The following REEP2 variants were observed in gnomAD, a reference collection of about 807,000 sequenced individuals.
REEP2 encodes receptor accessory protein 2, also known as receptor expression-enhancing protein 2.
In REEP2, 9 loss-of-function variants were observed where a neutral mutation model predicts 32.1. That is an observed-to-expected ratio of 0.28 (90% CI 0.17 to 0.49). The LOEUF (loss-of-function observed/expected upper bound fraction) is 0.49. Ranked by LOEUF, REEP2 falls within the 20% of genes least tolerant of loss-of-function variation. The pLI, the probability that REEP2 is intolerant of heterozygous loss-of-function variation, is 0.99. For synonymous variants in REEP2, 128 were observed against 139.1 expected, an observed-to-expected ratio of 0.92 and a Z score of 0.56; for missense variants, 236 against 338.0, an observed-to-expected ratio of 0.70 and a Z score of 2.37.
intron 3 of REEP2, chr5:138,443,460 C>CA (rs35414889): frequency 0.59 from 54,436 of 92,394 alleles, 15,030 homozygotes; most frequent in East Asian, 0.78. Flanking sequence ...GACTCTGTCT[C>CA]AAAAAAAAAA....
In REEP2 at chr5:138,445,482, C is replaced by T; in HGVS notation, c.580C>T (p.Leu194=). The change falls in exon 7 of 8, where the codon CTG becomes TTG. Residue 194 remains leucine, a synonymous_variant. Transcript: ENST00000378339. ...CCTGCACCCAGGAGATGACCCTGCC[C>T]TGAGTCTAAGGTCCAGCACAAACCC... ...TIEDLGDDPA[L]SLRSSTNPAD... 1 of 1,614,192 alleles carries T rather than the reference C, an allele frequency of 6.2e-7. No homozygotes were observed. The highest frequency in any genetic ancestry group is 1.1e-5 in the South Asian group (1 of 91,076).
intron 1 of REEP2, among the ~76,000 whole-genome samples, chr5:138,440,241 C>T (rs1763798136): frequency 6.6e-6 from 1 of 152,230 alleles, no homozygotes; most frequent in Non-Finnish European, 1.5e-5. Flanking sequence ...CCGGGCCGGC[C>T]AAGTGCTTCT....
intron 1 of REEP2, chr5:138,439,808 G>C (rs1015925649): frequency 4.4e-6 from 2 of 454,966 alleles, no homozygotes; most frequent in African/African-American, 2.0e-5. Context: ...AGAAATGCTC[G>C]GAGGACAAAG....
At position 138,444,745 on chromosome 5, in the gene REEP2, A is replaced by G. The variant is rs1190593590; in HGVS notation, c.304-9A>G. The G allele has an allele frequency of 6.2e-7, 1 of 1,612,108 alleles. No individual in the cohort carries two copies. Among genetic ancestry groups the G allele is most frequent in the Non-Finnish European group, 8.5e-7 (1 of 1,178,490 alleles). ...CTCTCCTCTTCTCCCTTCCCCTCCA[A>G]TCCCATAGGAGATCGACGAGTACAT... On this transcript the variant is annotated splice_polypyrimidine_tract_variant and intron_variant, in intron 4 of 7. Coordinates refer to ENST00000378339, the MANE Select transcript of REEP2 (RefSeq NM_001271803.2).
chr5:138,445,790 C>T lies in REEP2; in HGVS notation c.*39C>T. On this transcript the variant is annotated 3_prime_UTR_variant, in exon 8 of 8. Transcript: ENST00000378339. ...CGCAGGCTGCAGAGCAAGGATGAAGCCTCAGGAGGGGCCTCAGACCCAGCC... is the reference window on the plus strand; with the variant it reads ...CGCAGGCTGCAGAGCAAGGATGAAGTCTCAGGAGGGGCCTCAGACCCAGCC... 1 of 1,590,126 alleles carries T rather than the reference C, an allele frequency of 6.3e-7. No homozygotes were observed. The highest frequency in any genetic ancestry group is 1.1e-5 in the South Asian group (1 of 88,642).
chr5:138,444,975 T>C, intron 5 of REEP2, 108 bp downstream of exon 5: 1 of 849,262 alleles, frequency 1.2e-6, no homozygotes, highest in South Asian at 1.8e-5. Flanking sequence ...GACTCTGGGC[T>C]CATGCAGCTG....
chr5:138,444,935 T>A (rs1763897419), intron 5 of REEP2, 68 bp downstream of exon 5: 1 of 1,186,278 alleles, frequency 8.4e-7, no homozygotes. Context: ...CCAGGCCCCT[T>A]TGCATCCACC....
intron 1 of REEP2, among the ~76,000 whole-genome samples, chr5:138,440,378 C>G (rs956050809): frequency 1.3e-5 from 2 of 152,248 alleles, no homozygotes; most frequent in Non-Finnish European, 2.9e-5. Flanking sequence ...CAAAGGGCAT[C>G]GGTCCTCTTC....
intron 1 of REEP2, among the ~76,000 whole-genome samples, chr5:138,440,351 C>T (rs1323685694): frequency 6.6e-6 from 1 of 152,276 alleles, no homozygotes; most frequent in Non-Finnish European, 1.5e-5. Context: ...CTGCTTCTCT[C>T]TTGCCTGGGC....
rs1358680905 is a variant in REEP2 at position 138,439,167 on chromosome 5, G to C, written c.-42G>C. 4 of 1,326,902 alleles carry C rather than the reference G, an allele frequency of 3.0e-6. No homozygotes were observed. Among genetic ancestry groups the C allele is most frequent in the Non-Finnish European group, 2.9e-6 (3 of 1,038,614 alleles). 82.2% of individuals were successfully genotyped at this position (1,326,902 alleles called of 1,614,324 possible). ...CTCGGCCTCAGGCAGCTGCATCCTC[G>C]GCCGGGCCGGGTCCCCGCCCCGCGC... On this transcript the variant is annotated 5_prime_UTR_variant, in exon 1 of 8. Coordinates refer to ENST00000378339, the MANE Select transcript of REEP2 (RefSeq NM_001271803.2).
chr5:138,442,570 G>T (rs1022113585), intron 3 of REEP2, among the ~76,000 whole-genome samples: 3 of 151,766 alleles, frequency 2.0e-5, no homozygotes, highest in African/African-American at 7.3e-5. Flanking sequence ...AATTAGCTAG[G>T]CATGGCAGGG....
chr5:138,441,208 A>G lies in REEP2; in HGVS notation c.105+120A>G. The stretch of plus-strand genomic sequence containing the variant: ...ACACTGTCAGCCACTAACAAGACCC[A>G]CCAGCAAAGGAGGGCCCTGGGTGTC... On this transcript the variant is annotated intron_variant, in intron 2 of 7. Coordinates refer to ENST00000378339, the MANE Select transcript of REEP2 (RefSeq NM_001271803.2). The surrounding 1 kb of genome is among the most constrained non-coding windows in gnomAD (Gnocchi z 4.4). 6.3e-6 allele frequency: 9 copies of G among 1,423,868 alleles called. No individual in the cohort carries two copies. The South Asian group carries it at 1.1e-4, about 17-fold the overall frequency. 88.2% of individuals were successfully genotyped at this position (1,423,868 alleles called of 1,614,324 possible).
At chr5:138,444,675 C>G in intron 4 of REEP2, 79 bp from the exon 5 acceptor site, 3 of 1,561,282 alleles carry the variant, frequency 1.9e-6, no homozygotes, top group Non-Finnish European at 2.6e-6. Flanking sequence ...CCTCCCGGAG[C>G]AGGCAGGGGC....
Position 138,442,099 on chromosome 5 carries a change from A to G in REEP2, c.182+638A>G, listed in dbSNP as rs76112370. Among the ~76,000 whole-genome samples, 778 of 152,330 alleles carry G rather than the reference A, an allele frequency of 5.1e-3. 12 individuals are homozygous for G. Among genetic ancestry groups the G allele is most frequent in the East Asian group, 0.042 (217 of 5,188 alleles). On this transcript the variant is annotated intron_variant, in intron 3 of 7. Transcript: ENST00000378339. ...CAGTTTCCTTATTTGTAAAATAGGC[A>G]TATGATTCACTCCTATAAATGCTGG...
rs1274116229 is a variant in REEP2 at position 138,446,478 on chromosome 5, C to G, written c.*727C>G. 2.2e-4 allele frequency: 34 copies of G among 152,620 alleles called. No individual in the cohort carries two copies. Among genetic ancestry groups the G allele is most frequent in the Admixed American group, 2.2e-3 (34 of 15,272 alleles). The allele number at this position is 152,620 out of a possible 1,614,324, so 9.5% of individuals were successfully genotyped here. A position where few individuals can be genotyped will look rare whatever the true frequency, so the allele number is the denominator to read the frequency against. On this transcript the variant is annotated 3_prime_UTR_variant, in exon 8 of 8. Coordinates refer to ENST00000378339, the MANE Select transcript of REEP2 (RefSeq NM_001271803.2). ...GCAGTCGCCTCCTCCCACCCTGAGC[C>G]CCACAGTCATCTGGCCCTTTCCCTG...
Position 138,445,796 on chromosome 5 carries a change from G to A in REEP2, c.*45G>A. 6.3e-7 allele frequency: 1 copy of A among 1,579,950 alleles called. No individual in the cohort carries two copies. On this transcript the variant is annotated 3_prime_UTR_variant, in exon 8 of 8. Transcript: ENST00000378339. ...CTGCAGAGCAAGGATGAAGCCTCAG[G>A]AGGGGCCTCAGACCCAGCCCCTGCT...
rs757889115 is a variant in REEP2 at position 138,445,729 on chromosome 5, C to T, written c.743C>T (p.Ser248Phe). ...TLKTRPKKKTSGGGDSA is the reference protein window; with the variant it reads ...TLKTRPKKKTFGGGDSA ...AAGACCCGGCCCAAGAAGAAGACCT[C>T]TGGCGGGGGCGACTCAGCTTGAGCC... is the stretch of plus-strand genomic sequence containing the variant. Residue 248 changes from serine (S) to phenylalanine (F), a missense_variant, in exon 8 of 8, where the codon TCT (serine) becomes TTT (phenylalanine). By Grantham distance (155) the Ser-to-Phe change is radical (BLOSUM62 -2). Coordinates refer to ENST00000378339, the MANE Select transcript of REEP2 (RefSeq NM_001271803.2). 1 of 1,614,102 alleles carries T rather than the reference C, an allele frequency of 6.2e-7. No individual in the cohort carries two copies. The highest frequency in any genetic ancestry group is 8.5e-7 in the Non-Finnish European group (1 of 1,180,010).
At chr5:138,442,667 A>C (rs972192207) in intron 3 of REEP2, among the ~76,000 whole-genome samples, 2 of 152,106 alleles carry the variant, frequency 1.3e-5, no homozygotes, top group African/African-American at 4.8e-5. Context: ...CATCCTGTCC[A>C]ATACGGTGAA....
At chr5:138,439,953 GC>G in intron 1 of REEP2, 1 of 361,148 alleles carries the variant, frequency 2.8e-6, no homozygotes, top group Non-Finnish European at 5.5e-6. Flanking sequence ...ACCTCCCCGG[GC>G]CCCAGGAGGG....
Sources: allele counts gnomAD v4.1 joint callset (sites outside exome capture counted in the v4.1 genomes callset), GRCh38; gene constraint gnomAD v4.1.1; non-coding constraint Gnocchi (gnomAD v3.1); transcripts MANE v1.5; gene names NCBI Gene and HGNC (gene_info 2026-07-23, HGNC 2026-07-21).